The following DMD variants were observed in gnomAD, a reference collection of about 807,000 sequenced individuals.
DMD encodes mutant dystrophin.
In DMD, 63 loss-of-function variants were observed where a neutral mutation model predicts 330.1. The ratio of observed to expected loss-of-function variants is 0.19; its 90% CI spans 0.16 to 0.24. The LOEUF (loss-of-function observed/expected upper bound fraction) is 0.24. Among genes scored for constraint, DMD ranks in the 10% least tolerant of loss-of-function variants. The pLI, the probability that DMD is intolerant of heterozygous loss-of-function variation, is 1.00. For missense variants in DMD, 3,344 were observed against 2,684.1 expected (o/e 1.25, Z -5.43); for synonymous variants, 1,223 against 959.8 (o/e 1.27, Z -5.07).
intron 45 of DMD, among the ~76,000 whole-genome samples, chrX:31,951,149 A>ATGTG (rs1569521276): frequency 4.0e-5 from 3 of 74,394 alleles, no homozygotes; most frequent in African/African-American, 1.9e-4. Flanking sequence ...ATGTGTATAT[A>ATGTG]TATATATATG....
chrX:31,962,281 G>T (rs2095313875), intron 45 of DMD, among the ~76,000 whole-genome samples: 1 of 111,426 alleles, frequency 9.0e-6, no homozygotes. Context: ...TCATACAAAG[G>T]TCTGCATGAG....
chrX:32,529,379 CTTTTTTTTTTTTTTT>C lies in DMD; in HGVS notation c.2169-11263_2169-11249del, dbSNP rs777955346. ...CGAATTCCACCTTGGCAAAAATCAA[CTTTTTTTTTTTTTTT>C]TTTTTTTTTTTTTTTTTTTTTTGAG... On this transcript the variant is annotated intron_variant, in intron 17 of 78. Coordinates refer to ENST00000357033, the MANE Select transcript of DMD (RefSeq NM_004006.3). Among the ~76,000 whole-genome samples the C allele has an allele frequency of 5.2e-4, 16 of 31,061 alleles. No homozygotes were observed. In the East Asian group the frequency reaches 0.011, roughly 21 times the overall value. 27.0% of individuals were successfully genotyped at this position (31,061 alleles called of 115,157 possible).
intron 26 of DMD, among the ~76,000 whole-genome samples, chrX:32,450,589 C>G (rs918958531): frequency 9.1e-6 from 1 of 110,296 alleles, no homozygotes; most frequent in African/African-American, 3.3e-5. Flanking sequence ...TTTACCCAAA[C>G]CTTCTCGGAT....
At chrX:31,896,308 G>A (rs991233692) in intron 47 of DMD, among the ~76,000 whole-genome samples, 1 of 111,741 alleles carries the variant, frequency 8.9e-6, no homozygotes, top group African/African-American at 3.2e-5. Context: ...CAACAATGCT[G>A]GGGGAAAGAG....
At chrX:32,848,235 C>A (rs1233277270) in intron 3 of DMD, among the ~76,000 whole-genome samples, 1 of 111,778 alleles carries the variant, frequency 8.9e-6, no homozygotes, top group Non-Finnish European at 1.9e-5. Context: ...ATTTGGAAGA[C>A]ACTGGGACTT....
chrX:32,393,536 C>A (rs769364600), intron 30 of DMD, among the ~76,000 whole-genome samples: 1 of 111,440 alleles, frequency 9.0e-6, no homozygotes, highest in Non-Finnish European at 1.9e-5. Context: ...GGAGGAAATG[C>A]GACTGTAAAT....
At chrX:31,366,241 C>A (rs181317586) in intron 60 of DMD, among the ~76,000 whole-genome samples, 2 of 109,758 alleles carry the variant, frequency 1.8e-5, no homozygotes, top group Non-Finnish European at 3.8e-5. Flanking sequence ...CACATTACTT[C>A]GAGAGCTGGC....
chrX:32,593,861 C>T (rs984331737), intron 13 of DMD, among the ~76,000 whole-genome samples: 6 of 112,525 alleles, frequency 5.3e-5, no homozygotes, highest in East Asian at 2.8e-4. Flanking sequence ...AGACTCTCTA[C>T]GCACTGACAT....
At chrX:33,319,047 C>T (rs1603430304) in intron 1 of DMD, among the ~76,000 whole-genome samples, 1 of 108,863 alleles carries the variant, frequency 9.2e-6, no homozygotes, top group Non-Finnish European at 1.9e-5. Flanking sequence ...ATAAAAGAGA[C>T]CCTAGAGAGC....
intron 50 of DMD, among the ~76,000 whole-genome samples, chrX:31,792,726 G>A (rs1039214422): frequency 3.6e-5 from 4 of 111,707 alleles, no homozygotes; most frequent in African/African-American, 1.3e-4. Flanking sequence ...TGGAGTGCAT[G>A]AGCACTGGAG....
intron 2 of DMD, among the ~76,000 whole-genome samples, chrX:32,871,740 G>A (rs2083013707): frequency 9.0e-6 from 1 of 111,465 alleles, no homozygotes; most frequent in South Asian, 3.8e-4. Context: ...CACAGTCGTT[G>A]TTATGAGCTT....
intron 13 of DMD, among the ~76,000 whole-genome samples, chrX:32,578,334 C>T (rs2053289538): frequency 8.9e-6 from 1 of 112,035 alleles, no homozygotes. Flanking sequence ...CAATGAATTA[C>T]AAAGTCTCAC....
At chrX:32,068,965 G>A (rs2096278247) in intron 44 of DMD, among the ~76,000 whole-genome samples, 1 of 111,644 alleles carries the variant, frequency 9.0e-6, no homozygotes, top group Admixed American at 9.6e-5. Context: ...ATATTGTTCA[G>A]AGACATTTTA....
chrX:33,131,541 G>T (rs2095499576), intron 1 of DMD, among the ~76,000 whole-genome samples: 1 of 111,865 alleles, frequency 8.9e-6, no homozygotes, highest in African/African-American at 3.3e-5. Flanking sequence ...CCCCCCAGGT[G>T]ATTCTGTTAT....
At chrX:31,564,593 A>T (rs887132703) in intron 55 of DMD, among the ~76,000 whole-genome samples, 10 of 112,013 alleles carry the variant, frequency 8.9e-5, no homozygotes, top group African/African-American at 3.2e-4. Context: ...AATCATCAAA[A>T]TGATCACCTA....
At position 32,132,993 on chromosome X, in the gene DMD, C is replaced by CTTTTCTTTTTTTTTTTTTTT. The variant is rs2096705124; in HGVS notation, c.6438+83922_6438+83923insAAAAAAAAAAAAAAAGAAAA. Among the ~76,000 whole-genome samples the CTTTTCTTTTTTTTTTTTTTT allele has an allele frequency of 1.7e-4, 13 of 75,971 alleles. 2 individuals carry two copies. Among genetic ancestry groups the CTTTTCTTTTTTTTTTTTTTT allele is most frequent in the African/African-American group, 8.9e-4 (13 of 14,537 alleles). The allele number at this position is 75,971 out of a possible 115,157, so 66.0% of individuals were successfully genotyped here. A position where few individuals can be genotyped will look rare whatever the true frequency, so the allele number is the denominator to read the frequency against. On this transcript the variant is annotated intron_variant, in intron 44 of 78. Transcript: ENST00000357033. ...TCTCATTGATCACTCCTTTTCTTTT[C>CTTTTCTTTTTTTTTTTTTTT]TTTTTTTTTTTTTTTTTTTTTTTTT...
At chrX:32,484,782 G>A (rs1047871134) in intron 21 of DMD, 137 bp downstream of exon 21, 45 of 644,776 alleles carry the variant, frequency 7.0e-5, no homozygotes, top group Non-Finnish European at 9.8e-5. Flanking sequence ...CCAGTATTTC[G>A]TTCCTTGTTA....
At chrX:31,503,917 T>C (rs1017904246) in intron 56 of DMD, among the ~76,000 whole-genome samples, 3 of 111,137 alleles carry the variant, frequency 2.7e-5, no homozygotes, top group African/African-American at 9.8e-5. Context: ...TTAGGCACAG[T>C]TGGCAGAGAG....
At chrX:31,173,405 G>C in intron 72 of DMD, 134 bp downstream of exon 72, 1 of 708,931 alleles carries the variant, frequency 1.4e-6, no homozygotes, top group Admixed American at 2.6e-5. Context: ...ATGCACGTTA[G>C]AGGGCAAGTT....
Sources: allele counts gnomAD v4.1 joint callset (sites outside exome capture counted in the v4.1 genomes callset), GRCh38; gene constraint gnomAD v4.1.1; transcripts MANE v1.5; gene names NCBI Gene and HGNC (gene_info 2026-07-23, HGNC 2026-07-21).